The following MTMR10 variants were observed in gnomAD, a reference collection of about 807,000 sequenced individuals.
The protein encoded by MTMR10 is myotubularin-related protein 10.
Under a neutral mutation model 88.1 loss-of-function variants are expected in MTMR10, and 56 were observed. The ratio of observed to expected loss-of-function variants is 0.64; its 90% CI spans 0.51 to 0.79. The LOEUF is 0.79. Among genes scored for constraint, MTMR10 ranks in the 30% least tolerant of loss-of-function variants. The pLI is 0.00. For synonymous variants in MTMR10, 380 were observed against 340.9 expected (o/e 1.11, Z -1.26); for missense variants, 883 against 924.7 (o/e 0.95, Z 0.58).
chr15:30,943,144 CTCA>C, intron 14 of MTMR10, 72 bp from the exon 15 acceptor site: 1 of 1,494,026 alleles, frequency 6.7e-7, no homozygotes, highest in South Asian at 1.4e-5. Flanking sequence ...AGATGAGCCA[CTCA>C]TCATTACACA....
chr15:30,924,555 C>T, the MTMR10 span, among the ~76,000 whole-genome samples: 1 of 152,144 alleles, frequency 6.6e-6, no homozygotes, highest in African/African-American at 2.4e-5. Context: ...TTGTGGCTTT[C>T]TGTGTTTGTT....
rs921079259 is a variant in MTMR10, at chr15:30,942,921, T to C, written c.1700A>G (p.Asn567Ser). The change falls in exon 15 of 16, where the codon AAT becomes AGT. Residue 567 changes from asparagine to serine, a missense_variant. Asn to Ser is a conservative substitution (Grantham distance 46). Coordinates refer to ENST00000435680, the MANE Select transcript of MTMR10 (RefSeq NM_017762.3). ...YIGKSTPCIQ[N>S]GSVKSFKRTK... Reference sequence around the variant, plus strand: ...CCGTTTAAAAGACTTCACGGAGCCATTCTGTATACAAGGTGTGCTCTTTCC... The same window carrying C: ...CCGTTTAAAAGACTTCACGGAGCCACTCTGTATACAAGGTGTGCTCTTTCC... 2 of 1,568,488 alleles carry C rather than the reference T, an allele frequency of 1.3e-6. No homozygotes were observed. Among genetic ancestry groups the C allele is most frequent in the African/African-American group, 1.3e-5 (1 of 74,188 alleles).
intron 9 of MTMR10, 122 bp downstream of exon 9, chr15:30,958,736 TATATA>T: frequency 1.1e-6 from 1 of 905,700 alleles, no homozygotes; most frequent in Non-Finnish European, 1.7e-6. Flanking sequence ...TGGCAATTCT[TATATA>T]AAACATGGTG....
At chr15:30,957,512 C>T (rs2063343952) in intron 9 of MTMR10, among the ~76,000 whole-genome samples, 1 of 152,288 alleles carries the variant, frequency 6.6e-6, no homozygotes, top group South Asian at 2.1e-4. Context: ...CACCTGAGGT[C>T]AGGAGTTCGA....
chr15:30,926,723 C>T, the MTMR10 span: 8 of 985,296 alleles, frequency 8.1e-6, no homozygotes, highest in African/African-American at 1.7e-5. Context: ...CCCCGAGAGA[C>T]GTGGAAACTG....
chr15:30,948,118 T>C (rs1046949299), intron 13 of MTMR10, among the ~76,000 whole-genome samples, 184 bp downstream of exon 13: 2 of 152,348 alleles, frequency 1.3e-5, no homozygotes, highest in East Asian at 1.9e-4. Context: ...TTCACCTTCA[T>C]AGTTACGATA....
rs867561652 is a variant in MTMR10, at chr15:30,940,971, C to T, written c.*499G>A. On this transcript the variant is annotated 3_prime_UTR_variant, in exon 16 of 16. Coordinates refer to ENST00000435680, the MANE Select transcript of MTMR10 (RefSeq NM_017762.3). The stretch of plus-strand genomic sequence containing the variant: ...AGAAGGTGATCTAAAATCATAAATT[C>T]TGGCCCCAGAACACTGAACCTTCAT... The T allele has an allele frequency of 1.8e-6, 2 of 1,096,604 alleles. No homozygotes were observed. The highest frequency in any genetic ancestry group is 4.9e-5 in the Admixed American group (1 of 20,594). 67.9% of individuals were successfully genotyped at this position (1,096,604 alleles called of 1,614,324 possible).
chr15:30,948,732 T>G, intron 12 of MTMR10: 1 of 519,134 alleles, frequency 1.9e-6, no homozygotes. Context: ...CTTTTTACAT[T>G]CGAATGGTTT....
At chr15:30,921,028 C>T in the MTMR10 span, among the ~76,000 whole-genome samples, 12 of 152,330 alleles carry the variant, frequency 7.9e-5, no homozygotes, top group South Asian at 8.3e-4. Flanking sequence ...AAGTGATTTG[C>T]CCACCTTGGC....
At chr15:30,951,015 CA>C (rs1422271324) in intron 12 of MTMR10, among the ~76,000 whole-genome samples, 3 of 152,212 alleles carry the variant, frequency 2.0e-5, no homozygotes, top group Non-Finnish European at 4.4e-5. Context: ...TTTCCCCCGC[CA>C]ATATTTTCAG....
chr15:30,949,944 C>T (rs2063220456), intron 12 of MTMR10: 5 of 152,180 alleles, frequency 3.3e-5, no homozygotes, highest in Admixed American at 3.3e-4. Context: ...TAGTGGCTGC[C>T]TGGAGCTGGG....
intron 5 of MTMR10, among the ~76,000 whole-genome samples, chr15:30,971,108 C>T (rs1040338378): frequency 6.6e-6 from 1 of 152,092 alleles, no homozygotes; most frequent in Non-Finnish European, 1.5e-5. Context: ...TGCACTTTTA[C>T]ATACACACTA....
chr15:30,927,743 G>A, the MTMR10 span: 149 of 985,762 alleles, frequency 1.5e-4, 1 homozygote, highest in Middle Eastern at 2.1e-3. Context: ...CTCCTCTGTC[G>A]GGAGGGCTGA....
intron 2 of MTMR10, among the ~76,000 whole-genome samples, chr15:30,977,691 T>C (rs2141054760): frequency 6.6e-6 from 1 of 151,900 alleles, no homozygotes; most frequent in South Asian, 2.1e-4. Context: ...GAAAAGTGAG[T>C]GTACTGATCC....
At chr15:30,985,968 G>A (rs1164134249) in intron 2 of MTMR10, among the ~76,000 whole-genome samples, 1 of 152,180 alleles carries the variant, frequency 6.6e-6, no homozygotes, top group South Asian at 2.1e-4. Context: ...AGGTTGGGTG[G>A]AGTTAGTCAG....
intron 2 of MTMR10, among the ~76,000 whole-genome samples, chr15:30,988,406 C>T (rs1021418721): frequency 1.3e-5 from 2 of 152,148 alleles, no homozygotes; most frequent in Admixed American, 6.5e-5. Context: ...ATGATTTGGC[C>T]GCCAATGCAA....
chr15:30,924,907 A>G, the MTMR10 span, among the ~76,000 whole-genome samples: 10 of 152,206 alleles, frequency 6.6e-5, no homozygotes, highest in Non-Finnish European at 8.8e-5. Context: ...CAGCCCGGTC[A>G]CGCTCCAGCA....
At chr15:30,972,801 G>A (rs911583414) in intron 5 of MTMR10, among the ~76,000 whole-genome samples, 8 of 152,244 alleles carry the variant, frequency 5.3e-5, no homozygotes, top group East Asian at 1.9e-4. Flanking sequence ...AAGTACTACA[G>A]ATGGTTCAAG....
At position 30,959,575 on chromosome 15, in the gene MTMR10, C is replaced by CA. The variant is rs533616750; in HGVS notation, c.759-455dup. ...GTCAGACTCTAGGACACTGATCAGA[C>CA]AATAATTACTAGTGGGCAAGCTCAC... is the stretch of plus-strand genomic sequence containing the variant. On this transcript the variant is annotated intron_variant, in intron 7 of 15. Coordinates refer to ENST00000435680, the MANE Select transcript of MTMR10 (RefSeq NM_017762.3). Among the ~76,000 whole-genome samples, 56 of 152,340 alleles carry CA rather than the reference C, an allele frequency of 3.7e-4. 1 individual carries two copies. The highest frequency in any genetic ancestry group is 1.3e-3 in the African/African-American group (53 of 41,570).
Sources: allele counts gnomAD v4.1 joint callset (sites outside exome capture counted in the v4.1 genomes callset), GRCh38; gene constraint gnomAD v4.1.1; transcripts MANE v1.5; gene names NCBI Gene and HGNC (gene_info 2026-07-23, HGNC 2026-07-21).